The following GNB1L variants were observed in gnomAD, a reference collection of about 807,000 sequenced individuals.
The protein encoded by GNB1L is G protein subunit beta 1 like.
A neutral mutation model predicts 29.1 loss-of-function variants in GNB1L; 20 were observed. The observed-to-expected ratio is 0.69, with a 90% CI of 0.48 to 1.00. GNB1L has a LOEUF of 1.00. Ranked by LOEUF, GNB1L falls within the 50% of genes least tolerant of loss-of-function variation. The pLI is 0.00. For missense variants in GNB1L, 421 were observed against 464.9 expected, an observed-to-expected ratio of 0.91 and a Z score of 0.87; for synonymous variants, 193 against 206.5, an observed-to-expected ratio of 0.93 and a Z score of 0.56.
chr22:19,789,440 T>G (rs1414023333), intron 7 of GNB1L, among the ~76,000 whole-genome samples: 1 of 151,752 alleles, frequency 6.6e-6, no homozygotes, highest in Non-Finnish European at 1.5e-5. Flanking sequence ...ATGAGGTATG[T>G]GAACCCCCAA....
intron 5 of GNB1L, among the ~76,000 whole-genome samples, chr22:19,808,488 C>T (rs546369485): frequency 7.9e-5 from 12 of 152,276 alleles, no homozygotes; most frequent in South Asian, 6.2e-4. Context: ...ACTCCAAAGC[C>T]GGCCAAAATG....
At chr22:19,844,960 T>G (rs951295513) in intron 2 of GNB1L, among the ~76,000 whole-genome samples, 1 of 152,198 alleles carries the variant, frequency 6.6e-6, no homozygotes, top group Non-Finnish European at 1.5e-5. Flanking sequence ...GGGTGCAGGA[T>G]GGGGACCAAT....
intron 2 of GNB1L, among the ~76,000 whole-genome samples, chr22:19,854,230 G>C (rs984210851): frequency 2.6e-5 from 4 of 152,202 alleles, no homozygotes; most frequent in Non-Finnish European, 5.9e-5. Context: ...CAGGTACCAC[G>C]GCGCATGTGT....
At chr22:19,809,327 G>A (rs1027362103) in intron 5 of GNB1L, among the ~76,000 whole-genome samples, 2 of 152,028 alleles carry the variant, frequency 1.3e-5, no homozygotes, top group African/African-American at 4.8e-5. Flanking sequence ...GAGAGCCCAG[G>A]CCACCCAGCA....
rs577092946 is a variant in GNB1L at position 19,793,100 on chromosome 22, C to T, written c.733-4140G>A. 2.3e-5 allele frequency: 33 copies of T among 1,443,890 alleles called. No homozygotes were observed. In the East Asian group the frequency reaches 7.3e-4, roughly 32 times the overall value. 89.4% of individuals were successfully genotyped at this position (1,443,890 alleles called of 1,614,324 possible). ...TTGCCACTAAACTGGGTTAAATGTA[C>T]ACTGTTGAGTTTTCTGTACATTAAA... On this transcript the variant is annotated intron_variant, in intron 7 of 7. Transcript: ENST00000329517.
intron 2 of GNB1L, chr22:19,850,062 C>T: frequency 1.0e-6 from 1 of 985,696 alleles, no homozygotes; most frequent in South Asian, 4.7e-5. Context: ...CCTGCAGAGC[C>T]ACCCACCCCC....
At chr22:19,834,057 G>A (rs1215606687) in intron 2 of GNB1L, among the ~76,000 whole-genome samples, 1 of 151,934 alleles carries the variant, frequency 6.6e-6, no homozygotes, top group Non-Finnish European at 1.5e-5. Flanking sequence ...AAGTAGAAGA[G>A]AGAAACAGAT....
At chr22:19,846,579 G>A (rs913160249) in intron 2 of GNB1L, 6 of 984,124 alleles carry the variant, frequency 6.1e-6, no homozygotes, top group Non-Finnish European at 7.2e-6. Flanking sequence ...ACCGCTGTGG[G>A]CAGAACTATG....
chr22:19,850,455 A>T, intron 2 of GNB1L: 1 of 999,114 alleles, frequency 1.0e-6, no homozygotes, highest in Non-Finnish European at 1.2e-6. Flanking sequence ...TCAGAACACC[A>T]GGCACGATTA....
intron 7 of GNB1L, among the ~76,000 whole-genome samples, chr22:19,789,620 G>A (rs113066641): frequency 3.9e-5 from 6 of 152,196 alleles, no homozygotes; most frequent in South Asian, 2.1e-4. Flanking sequence ...GGCACTGCAC[G>A]AGACCCGGAG....
chr22:19,849,549 G>T (rs1938046681), intron 2 of GNB1L: 2 of 384,364 alleles, frequency 5.2e-6, no homozygotes, highest in Non-Finnish European at 7.1e-6. Flanking sequence ...TGTATTTTTA[G>T]GAGAGATGGA....
chr22:19,788,890 A>C lies in GNB1L; in HGVS notation c.803T>G (p.Leu268Arg). ...GCGGTGGTCCCAGCCTGCGGTGGCC[A>C]GGATCTTGCGATCTGGCCGGATCGT... ...EVTIRPDRKI[L>R]ATAGWDHRIR... The change falls in exon 8 of 8, where the codon CTG (leucine) becomes CGG (arginine). Residue 268 changes from leucine to arginine, a missense_variant. Transcript: ENST00000329517. The C allele has an allele frequency of 6.2e-7, 1 of 1,612,900 alleles. No homozygotes were observed. Among genetic ancestry groups the C allele is most frequent in the Non-Finnish European group, 8.5e-7 (1 of 1,179,902 alleles).
chr22:19,821,731 C>T (rs1356547270), intron 2 of GNB1L, among the ~76,000 whole-genome samples: 1 of 152,330 alleles, frequency 6.6e-6, no homozygotes, highest in East Asian at 1.9e-4. Flanking sequence ...CCTGAGTGGG[C>T]ACAGCGGCAT....
intron 2 of GNB1L, chr22:19,852,009 G>A (rs1199958904): frequency 1.2e-6 from 2 of 1,614,164 alleles, no homozygotes; most frequent in Non-Finnish European, 1.7e-6. Context: ...CTGGGCATGT[G>A]CCCAGCTAGG....
At chr22:19,838,029 T>C (rs1484524942) in intron 2 of GNB1L, among the ~76,000 whole-genome samples, 1 of 152,214 alleles carries the variant, frequency 6.6e-6, no homozygotes, top group Non-Finnish European at 1.5e-5. Context: ...AGTGGGTATG[T>C]TGGTTGTCTT....
chr22:19,817,815 T>C (rs1937543205), intron 4 of GNB1L, among the ~76,000 whole-genome samples: 1 of 152,198 alleles, frequency 6.6e-6, no homozygotes, highest in Non-Finnish European at 1.5e-5. Flanking sequence ...GCTCAGGTGC[T>C]CACTCAGCCG....
chr22:19,850,955 A>G, intron 2 of GNB1L: 2 of 1,373,414 alleles, frequency 1.5e-6, no homozygotes, highest in African/African-American at 2.9e-5. Context: ...AGCCAGCAGC[A>G]GGGAAAGGGC....
At chr22:19,818,339 C>T (rs935191379) in intron 4 of GNB1L, among the ~76,000 whole-genome samples, 4 of 152,246 alleles carry the variant, frequency 2.6e-5, no homozygotes, top group African/African-American at 9.6e-5. Context: ...CACTTACAAA[C>T]AGCAGCTCCT....
intron 5 of GNB1L, 88 bp downstream of exon 5, chr22:19,812,197 T>TG (rs1937507555): frequency 2.2e-6 from 3 of 1,385,300 alleles, no homozygotes; most frequent in Non-Finnish European, 2.9e-6. Context: ...TGGAGTCCTG[T>TG]GGGTAGGCGC....
Sources: gnomAD v4.1 joint callset for allele counts (sites outside exome capture counted in the v4.1 genomes callset) on GRCh38, gnomAD v4.1.1 for gene constraint, MANE v1.5 for transcripts, NCBI Gene and HGNC (gene_info 2026-07-23, HGNC 2026-07-21) for gene names.